RORA: variants seen among roughly 807,000 people sequenced by gnomAD.
The protein encoded by RORA is RAR related orphan receptor A.
A neutral mutation model predicts 69.5 loss-of-function variants in RORA; 7 were observed. The observed-to-expected ratio is 0.10, with a 90% CI of 0.06 to 0.19. The LOEUF (loss-of-function observed/expected upper bound fraction) is 0.19, where lower values mean the gene tolerates loss of function less well. RORA is among the 10% of genes least tolerant of loss of function. RORA has a pLI of 1.00. For synonymous variants in RORA, 261 were observed against 240.8 expected, an observed-to-expected ratio of 1.08 and a Z score of -0.78; for missense variants, 457 against 663.0, an observed-to-expected ratio of 0.69 and a Z score of 3.41.
intron 1 of RORA, among the ~76,000 whole-genome samples, chr15:61,091,378 C>A (rs1034124577): frequency 8.5e-5 from 13 of 152,144 alleles, no homozygotes; most frequent in African/African-American, 3.1e-4. Flanking sequence ...TGACTCCCTG[C>A]CAAATTGCCA....
At chr15:60,500,773 A>G (rs1184067093) in intron 9 of RORA, among the ~76,000 whole-genome samples, 186 bp downstream of exon 9, 1 of 152,176 alleles carries the variant, frequency 6.6e-6, no homozygotes, top group Non-Finnish European at 1.5e-5. Context: ...AAAAGAATAT[A>G]TGTTTGTGTT....
At chr15:60,951,153 C>G (rs1408732448) in intron 1 of RORA, among the ~76,000 whole-genome samples, 2 of 152,162 alleles carry the variant, frequency 1.3e-5, no homozygotes, top group Non-Finnish European at 2.9e-5. Flanking sequence ...AACTGCTCAA[C>G]TACATGGAAA....
chr15:60,925,582 T>TG (rs973448404), intron 1 of RORA, among the ~76,000 whole-genome samples: 1 of 152,216 alleles, frequency 6.6e-6, no homozygotes, highest in African/African-American at 2.4e-5. Flanking sequence ...GGGGCTGTCA[T>TG]GGAGCTTTGG....
intron 2 of RORA, among the ~76,000 whole-genome samples, chr15:60,621,115 C>A (rs533694080): frequency 6.6e-6 from 1 of 152,216 alleles, no homozygotes; most frequent in Admixed American, 6.5e-5. Context: ...AGATCCCATA[C>A]ACAATGTCTT....
intron 1 of RORA, among the ~76,000 whole-genome samples, chr15:61,142,517 C>G (rs1039196328): frequency 6.7e-6 from 1 of 150,314 alleles, no homozygotes; most frequent in African/African-American, 2.4e-5. Context: ...TTTTCCAAAA[C>G]AGCTATAACA....
chr15:61,100,907 A>AACTATGTACTCAG (rs2078869543), intron 1 of RORA, among the ~76,000 whole-genome samples: 1 of 152,202 alleles, frequency 6.6e-6, no homozygotes, highest in African/African-American at 2.4e-5. Context: ...CAGCATGAGA[A>AACTATGTACTCAG]ACTATGTACT....
At chr15:60,733,747 C>T (rs1450171381) in intron 1 of RORA, among the ~76,000 whole-genome samples, 1 of 152,062 alleles carries the variant, frequency 6.6e-6, no homozygotes, top group Non-Finnish European at 1.5e-5. Flanking sequence ...TCAAGCATGG[C>T]CATGGGAGCA....
chr15:61,224,288 C>G (rs2080126077), intron 1 of RORA, among the ~76,000 whole-genome samples: 1 of 152,212 alleles, frequency 6.6e-6, no homozygotes, highest in African/African-American at 2.4e-5. Flanking sequence ...TGAATGTGAA[C>G]AGCCAGATAT....
At chr15:60,976,906 G>C (rs764914542) in intron 1 of RORA, among the ~76,000 whole-genome samples, 1 of 152,138 alleles carries the variant, frequency 6.6e-6, no homozygotes, top group Non-Finnish European at 1.5e-5. Flanking sequence ...CGCACACCAA[G>C]TATTTGTTAT....
chr15:60,845,232 C>T (rs2073250276), intron 1 of RORA, among the ~76,000 whole-genome samples: 1 of 152,154 alleles, frequency 6.6e-6, no homozygotes, highest in African/African-American at 2.4e-5. Flanking sequence ...ATCACTACGT[C>T]AACACAAATT....
chr15:60,928,338 G>A (rs1892275979), intron 1 of RORA, among the ~76,000 whole-genome samples: 1 of 152,182 alleles, frequency 6.6e-6, no homozygotes, highest in Non-Finnish European at 1.5e-5. Context: ...GGACTATCCT[G>A]TAACTACTTA....
At chr15:60,789,266 G>A (rs988457596) in intron 1 of RORA, among the ~76,000 whole-genome samples, 1 of 152,188 alleles carries the variant, frequency 6.6e-6, no homozygotes, top group African/African-American at 2.4e-5. Context: ...CCCTGGAAAA[G>A]GACTCTCTTC....
rs535845168 is a variant in RORA at position 61,072,770 on chromosome 15, C to T, written c.166+156283G>A. Among the ~76,000 whole-genome samples, 7 of 152,270 alleles carry T rather than the reference C, an allele frequency of 4.6e-5. No homozygotes were observed. The South Asian group carries it at 1.4e-3, about 32-fold the overall frequency. On this transcript the variant is annotated intron_variant, in intron 1 of 10. Transcript: ENST00000335670. ...GGTCAAGACATATATCTGAGGCTAC[C>T]ATATGACCCTAAGAAGAACCCAAGG...
intron 1 of RORA, among the ~76,000 whole-genome samples, chr15:60,789,266 G>T (rs988457596): frequency 6.6e-6 from 1 of 152,188 alleles, no homozygotes. Flanking sequence ...CCCTGGAAAA[G>T]GACTCTCTTC....
chr15:60,618,163 CT>C (rs756615619), intron 2 of RORA, among the ~76,000 whole-genome samples: 12 of 152,196 alleles, frequency 7.9e-5, no homozygotes, highest in Non-Finnish European at 1.5e-4. Flanking sequence ...TTTTCTTCTC[CT>C]GTGTTGCTGG....
intron 2 of RORA, among the ~76,000 whole-genome samples, chr15:60,555,925 C>A (rs1008745435): frequency 2.0e-5 from 3 of 152,104 alleles, no homozygotes; most frequent in African/African-American, 4.8e-5. Context: ...CTATTTCCGG[C>A]CTTTACTCCT....
chr15:60,594,442 C>G (rs1268991855), intron 2 of RORA, among the ~76,000 whole-genome samples: 1 of 152,218 alleles, frequency 6.6e-6, no homozygotes, highest in African/African-American at 2.4e-5. Context: ...TCGGAGACTG[C>G]ATCCTCGGAA....
chr15:60,801,730 G>C (rs1032330175), intron 1 of RORA, among the ~76,000 whole-genome samples: 10 of 152,182 alleles, frequency 6.6e-5, no homozygotes, highest in Non-Finnish European at 1.5e-4. Context: ...GAAAACTCAC[G>C]GTTTCAGATG....
chr15:60,987,780 T>A (rs1472339047), intron 1 of RORA, among the ~76,000 whole-genome samples: 6 of 152,022 alleles, frequency 3.9e-5, no homozygotes, highest in Non-Finnish European at 8.8e-5. Context: ...CTCCAAAGAG[T>A]CCTGAGGAAG....
Sources: gnomAD v4.1 joint callset for allele counts (sites outside exome capture counted in the v4.1 genomes callset) on GRCh38, gnomAD v4.1.1 for gene constraint, MANE v1.5 for transcripts, NCBI Gene and HGNC (gene_info 2026-07-23, HGNC 2026-07-21) for gene names.